Variants in POM121 observed in about 807,000 individuals in gnomAD.
POM121 encodes POM121 transmembrane nucleoporin.
A neutral mutation model predicts 81.3 loss-of-function variants in POM121; 32 were observed. That is an observed-to-expected ratio of 0.39 (90% CI 0.30 to 0.53). POM121 has a LOEUF of 0.53. Ranked by LOEUF, POM121 falls within the 20% of genes least tolerant of loss-of-function variation. POM121 has a pLI of 0.66. For missense variants in POM121, 1,138 were observed against 1,614.6 expected, an observed-to-expected ratio of 0.70 and a Z score of 5.06; for synonymous variants, 514 against 694.2, an observed-to-expected ratio of 0.74 and a Z score of 4.08.
chr7:72,905,176 C>T (rs1245398319), intron 3 of POM121, among the ~76,000 whole-genome samples: 1 of 152,088 alleles, frequency 6.6e-6, no homozygotes, highest in Non-Finnish European at 1.5e-5. Context: ...TTGGAGATAC[C>T]TACTCTGCCA....
rs782682880 is a variant in POM121 at position 72,930,097 on chromosome 7, C to G, written c.1261C>G (p.Arg421Gly). Residue 421 changes from arginine (R) to glycine (G), a missense_variant, in exon 5 of 13, where the codon CGA (arginine) becomes GGA (glycine). This residue lies in a region of POM121 where 646 missense variants were observed against 633.5 expected (regional missense o/e 1.02). Coordinates refer to ENST00000434423, the MANE Select transcript of POM121 (RefSeq NM_001387691.1). The stretch of plus-strand genomic sequence containing the variant: ...CATTACCAGTTCCTACAGCTCCACT[C>G]GAGGCATCTCACAGGTACAAGTACA... Reference protein sequence around the residue: ...NAITSSYSSTRGISQLWKRNG... With the variant: ...NAITSSYSSTGGISQLWKRNG... 1.2e-6 allele frequency: 2 copies of G among 1,610,640 alleles called. No individual in the cohort carries two copies. The highest frequency in any genetic ancestry group is 2.2e-5 in the East Asian group (1 of 44,840).
chr7:72,887,293 G>T (rs530270201), intron 1 of POM121, among the ~76,000 whole-genome samples: 2 of 151,744 alleles, frequency 1.3e-5, no homozygotes, highest in Non-Finnish European at 2.9e-5. Context: ...CTCTGTGCCG[G>T]TTGTGAACTC....
In POM121 at chr7:72,943,353, C is replaced by T. The variant is rs1797322439; in HGVS notation, c.3360C>T (p.Ser1120=). The T allele has an allele frequency of 8.7e-6, 14 of 1,612,694 alleles. No homozygotes were observed. The highest frequency in any genetic ancestry group is 1.1e-5 in the Non-Finnish European group (13 of 1,179,594). ...SFGINVATPG[S]STTTGAFSFG... ...GGATCAATGTGGCCACCCCAGGCTCCAGCACCACCACCGGAGCTTTCAGCT... is the reference window on the plus strand; with the variant it reads ...GGATCAATGTGGCCACCCCAGGCTCTAGCACCACCACCGGAGCTTTCAGCT... Residue 1120 remains serine (S), a synonymous_variant, in exon 11 of 13, where the codon TCC becomes TCT. Transcript: ENST00000434423.
downstream of POM121, chr7:72,949,159 C>A: frequency 4.6e-6 from 6 of 1,306,118 alleles, no homozygotes; most frequent in Non-Finnish European, 6.6e-6. Context: ...GTCCTGAAAT[C>A]CTCGCTCCTG....
At chr7:72,927,480 CG>C (rs1795575444) in intron 3 of POM121, among the ~76,000 whole-genome samples, 2 of 152,128 alleles carry the variant, frequency 1.3e-5, no homozygotes, top group Non-Finnish European at 2.9e-5. Context: ...GAGGCCGACA[CG>C]GGTGGATCAC....
chr7:72,909,512 G>A (rs1793599026), intron 3 of POM121, among the ~76,000 whole-genome samples: 1 of 152,214 alleles, frequency 6.6e-6, no homozygotes, highest in Non-Finnish European at 1.5e-5. Flanking sequence ...TATATTAGCA[G>A]GCACTCAACC....
chr7:72,933,999 G>A (rs1402111045), intron 5 of POM121, among the ~76,000 whole-genome samples: 5 of 151,968 alleles, frequency 3.3e-5, no homozygotes, highest in Admixed American at 2.6e-4. Flanking sequence ...CTTTTAATAT[G>A]CATAAAATAA....
Position 72,944,507 on chromosome 7 carries a change from G to C in POM121, c.3529+985G>C, listed in dbSNP as rs564121355. ...CAGTTTCCAGGCAGTTTGTGGGCTG[G>C]AAAATTGTGATTGTGAAGTTAAAGT... On this transcript the variant is annotated intron_variant, in intron 11 of 12. Coordinates refer to ENST00000434423, the MANE Select transcript of POM121 (RefSeq NM_001387691.1). Among the ~76,000 whole-genome samples, 6 of 152,204 alleles carry C rather than the reference G, an allele frequency of 3.9e-5. No individual in the cohort carries two copies. In the East Asian group the frequency reaches 5.8e-4, roughly 15 times the overall value.
chr7:72,881,308 T>C (rs1790137589), intron 1 of POM121, among the ~76,000 whole-genome samples: 1 of 150,226 alleles, frequency 6.7e-6, no homozygotes, highest in African/African-American at 2.4e-5. Context: ...GGCCAGAATT[T>C]GAGACCAGCC....
At chr7:72,899,567 G>T (rs1473853091) in intron 3 of POM121, among the ~76,000 whole-genome samples, 6 of 149,628 alleles carry the variant, frequency 4.0e-5, no homozygotes, top group South Asian at 2.1e-4. Flanking sequence ...CTGCCTGCTT[G>T]ATATTACATT....
Position 72,925,323 on chromosome 7 carries a change from G to A in POM121, c.202G>A (p.Gly68Arg). 1 of 1,534,548 alleles carries A rather than the reference G, an allele frequency of 6.5e-7. No individual in the cohort carries two copies. The highest frequency in any genetic ancestry group is 1.2e-5 in the South Asian group (1 of 83,988). ...LTVGATAAWW[G>R]LSREPRGSRP... is the part of the protein sequence containing the mutation. ...CGTGGGGGCTACCGCGGCCTGGTGG[G>A]GACTGAGCCGCGAGCCCCGAGGTTC... Residue 68 changes from glycine (G) to arginine (R), a missense_variant, in exon 1 of 13, where the codon GGA (glycine) becomes AGA (arginine). By Grantham distance (125) the Gly-to-Arg change is moderately radical (BLOSUM62 -2). This residue lies in a region of POM121 where 646 missense variants were observed against 633.5 expected (regional missense o/e 1.02). Coordinates refer to ENST00000434423, the MANE Select transcript of POM121 (RefSeq NM_001387691.1).
downstream of POM121, chr7:72,949,970 C>T: frequency 3.1e-6 from 5 of 1,609,236 alleles, no homozygotes; most frequent in Non-Finnish European, 4.3e-6. Flanking sequence ...GCCTGGCAGG[C>T]AGAACACAGG....
intron 3 of POM121, among the ~76,000 whole-genome samples, chr7:72,901,112 A>G (rs769631269): frequency 4.3e-4 from 65 of 151,866 alleles, no homozygotes; most frequent in Non-Finnish European, 8.2e-4. Context: ...CAGTCTCTCA[A>G]ATACTTGGGA....
chr7:72,924,874 T>C (rs1232236564), upstream of POM121: 2 of 540,188 alleles, frequency 3.7e-6, no homozygotes, highest in Admixed American at 8.8e-5. Context: ...CCTTTTATCT[T>C]GGACGCGATC....
intron 1 of POM121, among the ~76,000 whole-genome samples, chr7:72,882,371 C>G (rs1790248442): frequency 6.6e-6 from 1 of 152,160 alleles, no homozygotes; most frequent in South Asian, 2.1e-4. Context: ...CACACCGAAA[C>G]CATATCACCA....
rs1161297212 is a variant in POM121 at position 72,946,132 on chromosome 7, T to C, written c.3653-5T>C. 4 of 1,611,622 alleles carry C rather than the reference T, an allele frequency of 2.5e-6. No homozygotes were observed. Among genetic ancestry groups the C allele is most frequent in the Admixed American group, 1.7e-5 (1 of 59,966 alleles). On this transcript the variant is annotated splice_polypyrimidine_tract_variant and splice_region_variant and intron_variant, in intron 12 of 12. Coordinates refer to ENST00000434423, the MANE Select transcript of POM121 (RefSeq NM_001387691.1). ...CCCTGATGAGGTCTTGTTGAATCTT[T>C]CCAGGATCGGCGGCCCTTTCATTTT...
chr7:72,921,020 A>T (rs1794772601), upstream of POM121, among the ~76,000 whole-genome samples: 1 of 152,074 alleles, frequency 6.6e-6, no homozygotes, highest in Non-Finnish European at 1.5e-5. Flanking sequence ...GTCTCTACTA[A>T]AAATACAAAA....
chr7:72,882,367 G>A (rs1472217249), intron 1 of POM121, among the ~76,000 whole-genome samples: 12 of 152,246 alleles, frequency 7.9e-5, no homozygotes, highest in African/African-American at 2.9e-4. Flanking sequence ...GACACACACC[G>A]AAACCATATC....
At chr7:72,905,699 C>CA (rs1350719962) in intron 3 of POM121, among the ~76,000 whole-genome samples, 4 of 151,772 alleles carry the variant, frequency 2.6e-5, no homozygotes, top group Admixed American at 1.3e-4. Context: ...GATTCCATCT[C>CA]AAAAAAAAGA....
Sources: allele counts gnomAD v4.1 joint callset (sites outside exome capture counted in the v4.1 genomes callset), GRCh38; gene constraint gnomAD v4.1.1; regional missense constraint gnomAD v4.1.1; transcripts MANE v1.5; gene names NCBI Gene and HGNC (gene_info 2026-07-23, HGNC 2026-07-21).